The following FHAD1 variants were observed in gnomAD, a reference collection of about 807,000 sequenced individuals.
FHAD1 encodes forkhead associated phosphopeptide binding domain 1, also known as forkhead-associated domain-containing protein 1.
In FHAD1, 146 loss-of-function variants were observed where a neutral mutation model predicts 191.3. That is an observed-to-expected ratio of 0.76 (90% CI 0.67 to 0.88). The LOEUF (loss-of-function observed/expected upper bound fraction) is 0.88, where lower values mean the gene tolerates loss of function less well. Among genes scored for constraint, FHAD1 ranks in the 40% least tolerant of loss-of-function variants. FHAD1 has a pLI of 0.00. For missense variants in FHAD1, 1,635 were observed against 1,785.8 expected, an observed-to-expected ratio of 0.92 and a Z score of 1.52; for synonymous variants, 616 against 672.3, an observed-to-expected ratio of 0.92 and a Z score of 1.29.
At chr1:15,261,582 A>T (rs985198720) in intron 2 of FHAD1, among the ~76,000 whole-genome samples, 1 of 152,068 alleles carries the variant, frequency 6.6e-6, no homozygotes, top group Non-Finnish European at 1.5e-5. Context: ...CGCCTGAAAC[A>T]GCGTCTTCTC....
intron 1 of FHAD1, among the ~76,000 whole-genome samples, chr1:15,238,612 G>A (rs1006911375): frequency 6.6e-6 from 1 of 152,208 alleles, no homozygotes; most frequent in East Asian, 1.9e-4. Flanking sequence ...GGCAGAGACT[G>A]TCTCTCTTCT....
At position 15,354,424 on chromosome 1, in the gene FHAD1, C is replaced by T. The variant is rs540041347; in HGVS notation, c.2562+1440C>T. Among the ~76,000 whole-genome samples, 16 of 152,246 alleles carry T rather than the reference C, an allele frequency of 1.1e-4. No individual in the cohort carries two copies. In the East Asian group the frequency reaches 2.1e-3, roughly 20 times the overall value. The stretch of plus-strand genomic sequence containing the variant: ...CTGGCATGTGTCCAGAGAAGGCAGA[C>T]GAGAGTTGGGTGAAGTGATGCCGGA... On this transcript the variant is annotated intron_variant, in intron 20 of 33. Transcript: ENST00000688493.
chr1:15,358,880 G>A (rs1236752499), intron 21 of FHAD1, among the ~76,000 whole-genome samples: 1 of 152,186 alleles, frequency 6.6e-6, no homozygotes, highest in Non-Finnish European at 1.5e-5. Flanking sequence ...GTGTGGCGTT[G>A]GAGAGAACAG....
intron 18 of FHAD1, among the ~76,000 whole-genome samples, chr1:15,347,969 G>A (rs1272158019): frequency 2.0e-5 from 3 of 152,182 alleles, no homozygotes; most frequent in Non-Finnish European, 2.9e-5. Flanking sequence ...AAGCCACCCA[G>A]AGGAAGGCCT....
intron 26 of FHAD1, among the ~76,000 whole-genome samples, chr1:15,371,352 G>A (rs1570369905): frequency 6.6e-6 from 1 of 152,310 alleles, no homozygotes; most frequent in East Asian, 1.9e-4. Flanking sequence ...AAGGATTAGT[G>A]GAGGAGGACG....
intron 2 of FHAD1, among the ~76,000 whole-genome samples, chr1:15,268,437 A>T (rs1391989898): frequency 6.9e-6 from 1 of 144,452 alleles, no homozygotes; most frequent in Non-Finnish European, 1.5e-5. Flanking sequence ...GCTATTGTGA[A>T]TAGTGCTGCA....
Position 15,345,270 on chromosome 1 carries a change from C to T in FHAD1, c.2238+80C>T, listed in dbSNP as rs1283344635. On this transcript the variant is annotated intron_variant, in intron 17 of 33. Coordinates refer to ENST00000688493, the MANE Select transcript of FHAD1 (RefSeq NM_001391957.1). ...TGGATCTGGGGCTCTGGTCTGGGCC[C>T]GCCGGCTCTGAGCTCCAGGGCTGTG... 33 of 1,399,870 alleles carry T rather than the reference C, an allele frequency of 2.4e-5. No homozygotes were observed. The African/African-American group carries it at 2.4e-4, about 10-fold the overall frequency. The allele number at this position is 1,399,870 out of a possible 1,614,324, so 86.7% of individuals were successfully genotyped here. A position where few individuals can be genotyped will look rare whatever the true frequency, so the allele number is the denominator to read the frequency against.
intron 20 of FHAD1, among the ~76,000 whole-genome samples, chr1:15,353,717 AAAAAAAAAAG>A (rs1373280279): frequency 7.4e-5 from 11 of 149,086 alleles, no homozygotes; most frequent in African/African-American, 2.8e-4. Flanking sequence ...AAAAAAAAAA[AAAAAAAAAAG>A]AAAAGAAAAA....
chr1:15,247,316 G>C lies in FHAD1; in HGVS notation c.-94G>C. 1 of 213,858 alleles carries C rather than the reference G, an allele frequency of 4.7e-6. No homozygotes were observed. 13.2% of individuals were successfully genotyped at this position (213,858 alleles called of 1,614,324 possible). A position where few individuals can be genotyped will look rare whatever the true frequency, so the allele number is the denominator to read the frequency against. On this transcript the variant is annotated 5_prime_UTR_variant, in exon 1 of 34. Transcript: ENST00000688493. ...CGCGGGAGCGCGGCCGGGAGGCTTC[G>C]CCCCGGAGCTGGCCCGACGCCTCCC...
rs115475546 is a variant in FHAD1, at chr1:15,318,290, A to G, written c.1365+362A>G. Among the ~76,000 whole-genome samples, 3 of 152,326 alleles carry G rather than the reference A, an allele frequency of 2.0e-5. No homozygotes were observed. The highest frequency in any genetic ancestry group is 4.1e-4 in the South Asian group (2 of 4,832). On this transcript the variant is annotated intron_variant, in intron 10 of 33. Transcript: ENST00000688493. The surrounding 1 kb of genome is among the most constrained non-coding windows in gnomAD (Gnocchi z 4.1). ...ATCATGGGAAAAAAAATTGTATTGC[A>G]TACTCCAGACCTGCGCTATCCATAA... is the stretch of plus-strand genomic sequence containing the variant.
chr1:15,361,804 A>G (rs1041175205), intron 22 of FHAD1, among the ~76,000 whole-genome samples: 1 of 152,034 alleles, frequency 6.6e-6, no homozygotes, highest in African/African-American at 2.4e-5. Context: ...CAAGAGATCG[A>G]GACCATCCTG....
chr1:15,296,885 C>T lies in FHAD1; in HGVS notation c.678+92C>T, dbSNP rs553285966. The T allele has an allele frequency of 2.8e-5, 27 of 981,740 alleles. No homozygotes were observed. The South Asian group carries it at 4.2e-4, about 15-fold the overall frequency. The allele number at this position is 981,740 out of a possible 1,614,324, so 60.8% of individuals were successfully genotyped here. A position where few individuals can be genotyped will look rare whatever the true frequency, so the allele number is the denominator to read the frequency against. On this transcript the variant is annotated intron_variant, in intron 5 of 33. Coordinates refer to ENST00000688493, the MANE Select transcript of FHAD1 (RefSeq NM_001391957.1). ...GCCTGTTCTGTGTGGCCCAGGAGTG[C>T]CCTTATCCTGCTTCCAAGAAACCAC...
chr1:15,395,757 A>C (rs1287560758), intron 33 of FHAD1, among the ~76,000 whole-genome samples: 4 of 152,172 alleles, frequency 2.6e-5, no homozygotes, highest in Non-Finnish European at 5.9e-5. Context: ...AATGCAGCCC[A>C]ACACAAATTC....
chr1:15,339,143 A>G (rs1480625211), intron 14 of FHAD1, among the ~76,000 whole-genome samples: 1 of 152,092 alleles, frequency 6.6e-6, no homozygotes, highest in African/African-American at 2.4e-5. Context: ...CAGCCTCCCA[A>G]GTAGCTGGAA....
At chr1:15,237,216 C>T (rs780895590) in intron 1 of FHAD1, among the ~76,000 whole-genome samples, 1 of 152,186 alleles carries the variant, frequency 6.6e-6, no homozygotes, top group Admixed American at 6.5e-5. Context: ...AGGCTGTATC[C>T]TCCATCAACT....
chr1:15,392,028 G>A (rs989265975), intron 33 of FHAD1, among the ~76,000 whole-genome samples: 1 of 152,170 alleles, frequency 6.6e-6, no homozygotes, highest in Non-Finnish European at 1.5e-5. Context: ...CATTGGGATG[G>A]GCCCTGGATG....
At chr1:15,323,742 G>C (rs1033972153) in intron 10 of FHAD1, among the ~76,000 whole-genome samples, 5 of 152,134 alleles carry the variant, frequency 3.3e-5, no homozygotes, top group Non-Finnish European at 7.4e-5. Flanking sequence ...CACCGAACAC[G>C]CCCAAGCTCA....
At chr1:15,360,256 G>A (rs1164756935) in intron 21 of FHAD1, among the ~76,000 whole-genome samples, 1 of 152,226 alleles carries the variant, frequency 6.6e-6, no homozygotes, top group Non-Finnish European at 1.5e-5. Context: ...AGTCAGGGAG[G>A]GCCTCTCAGA....
intron 14 of FHAD1, 30 bp from the exon 15 acceptor site, chr1:15,339,447 ATACT>A (rs777500822): frequency 1.5e-5 from 16 of 1,065,948 alleles, no homozygotes; most frequent in South Asian, 1.4e-5. Context: ...AGTTGAATTG[ATACT>A]TACATTCTTC....
Sources: allele counts gnomAD v4.1 joint callset (sites outside exome capture counted in the v4.1 genomes callset), GRCh38; gene constraint gnomAD v4.1.1; non-coding constraint Gnocchi (gnomAD v3.1); transcripts MANE v1.5; gene names NCBI Gene and HGNC (gene_info 2026-07-23, HGNC 2026-07-21).